ADH7: variants seen among roughly 807,000 people sequenced by gnomAD.
The protein encoded by ADH7 is all-trans-retinol dehydrogenase [NAD(+)] ADH7.
A neutral mutation model predicts 34.4 loss-of-function variants in ADH7; 41 were observed. The observed-to-expected ratio is 1.19, with a 90% confidence interval of 0.93 to 1.55. The LOEUF (loss-of-function observed/expected upper bound fraction) is 1.55. Ranked by LOEUF, ADH7 falls within the 40% of genes most tolerant of loss-of-function variation. The probability of loss-of-function intolerance (pLI) is 0.00; values close to 1 mark genes in which losing one functional copy is unlikely to be tolerated. For missense variants in ADH7, 540 were observed against 461.2 expected (o/e 1.17, Z -1.56); for synonymous variants, 180 against 160.9 (o/e 1.12, Z -0.90).
intron 6 of ADH7, among the ~76,000 whole-genome samples, chr4:99,420,131 T>A (rs572306870): frequency 6.6e-6 from 1 of 152,306 alleles, no homozygotes; most frequent in African/African-American, 2.4e-5. Context: ...TTTGGGGGAA[T>A]AGACCACAAC....
chr4:99,428,470 G>T (rs779900148), intron 3 of ADH7, 22 bp downstream of exon 3: 4 of 1,602,410 alleles, frequency 2.5e-6, no homozygotes, highest in Admixed American at 3.5e-5. Context: ...TTTCAAACTT[G>T]TGGTTTGACA....
At chr4:99,432,646 C>T (rs1325540171) in intron 1 of ADH7, 1 of 152,128 alleles carries the variant, frequency 6.6e-6, no homozygotes, top group East Asian at 1.9e-4. Flanking sequence ...GTGTTAACAA[C>T]TTCACTCCTA....
intron 1 of ADH7, among the ~76,000 whole-genome samples, chr4:99,430,808 A>AT (rs200139906): frequency 9.3e-5 from 14 of 151,096 alleles, no homozygotes; most frequent in East Asian, 1.9e-4. Flanking sequence ...TTTTTTTATT[A>AT]TTTTTTTTTA....
chr4:99,420,621 G>C lies in ADH7; in HGVS notation c.737C>G (p.Ser246Cys). Residue 246 changes from serine (S) to cysteine (C), a missense_variant, in exon 6 of 9, where the codon TCT (serine) becomes TGT (cysteine). By Grantham distance (112) the Ser-to-Cys change is moderately radical. Transcript: ENST00000437033. ...GATECISPKDSTKPISEVLSE... is the reference protein window; with the variant it reads ...GATECISPKDCTKPISEVLSE... Reference sequence around the variant, plus strand: ...CAGCACCTCACTGATGGGTTTGGTAGAGTCCTTGGGACTGATACACTCAGT... The same window carrying C: ...CAGCACCTCACTGATGGGTTTGGTACAGTCCTTGGGACTGATACACTCAGT... 1.2e-6 allele frequency: 2 copies of C among 1,613,918 alleles called. No individual in the cohort carries two copies. The highest frequency in any genetic ancestry group is 1.7e-6 in the Non-Finnish European group (2 of 1,179,930).
Position 99,420,608 on chromosome 4 carries a change from G to T in ADH7, c.750C>A (p.Ile250=). The change falls in exon 6 of 9, where the codon ATC becomes ATA. Residue 250 remains isoleucine (I), a synonymous_variant. Transcript: ENST00000437033. ...CTGTCATTTCTGACAGCACCTCACT[G>T]ATGGGTTTGGTAGAGTCCTTGGGAC... ...CISPKDSTKP[I]SEVLSEMTGN... is the part of the protein sequence containing the mutation. 3.7e-6 allele frequency: 6 copies of T among 1,613,806 alleles called. 1 individual carries two copies. In the Middle Eastern group the frequency reaches 4.9e-4, roughly 133 times the overall value.
intron 1 of ADH7, among the ~76,000 whole-genome samples, chr4:99,432,401 A>G (rs562642840): frequency 2.0e-5 from 3 of 152,240 alleles, no homozygotes; most frequent in Non-Finnish European, 4.4e-5. Context: ...TAATTTGTAC[A>G]CCAAACCCCA....
At chr4:99,425,379 T>C (rs577516663) in intron 5 of ADH7, among the ~76,000 whole-genome samples, 2,937 of 151,254 alleles carry the variant, frequency 0.019, 31 homozygotes, top group Admixed American at 0.033. Context: ...ACCAAGCAAA[T>C]GGAAAACAAA....
Position 99,429,570 on chromosome 4 carries a change from C to G in ADH7, c.82G>C (p.Glu28Gln). The G allele has an allele frequency of 6.2e-7, 1 of 1,612,498 alleles. No individual in the cohort carries two copies. Among genetic ancestry groups the G allele is most frequent in the Non-Finnish European group, 8.5e-7 (1 of 1,179,266 alleles). ...TCTTTAGTCTTTGGTGGGGCAACTT[C>G]TATTTCCTCAATGGAGAAGGGTTGC... Reference protein sequence around the residue: ...QKQPFSIEEIEVAPPKTKEVR... With the variant: ...QKQPFSIEEIQVAPPKTKEVR... The change falls in exon 2 of 9, where the codon GAA (glutamate) becomes CAA (glutamine). Residue 28 changes from glutamate to glutamine, a missense_variant. By Grantham distance (29) the Glu-to-Gln change is conservative (BLOSUM62 2). Coordinates refer to ENST00000437033, the MANE Select transcript of ADH7 (RefSeq NM_000673.7).
intron 1 of ADH7, 181 bp downstream of exon 1, chr4:99,435,035 C>T (rs909272086): frequency 6.5e-7 from 1 of 1,541,982 alleles, no homozygotes; most frequent in African/African-American, 1.4e-5. Context: ...ACCCCTGCTT[C>T]CACTGACATT....
rs1322294180 is a variant in ADH7 at position 99,428,178 on chromosome 4, C to T, written c.260-4G>A. 6.2e-7 allele frequency: 1 copy of T among 1,611,548 alleles called. No individual in the cohort carries two copies. Among genetic ancestry groups the T allele is most frequent in the Admixed American group, 1.7e-5 (1 of 59,794 alleles). ...AAGAGAGGGATGACTTTGTCACCTA[C>T]AGGAAAAAAATCATGATATAAGATG... On this transcript the variant is annotated splice_region_variant and splice_polypyrimidine_tract_variant and intron_variant, in intron 3 of 8. Coordinates refer to ENST00000437033, the MANE Select transcript of ADH7 (RefSeq NM_000673.7).
intron 7 of ADH7, among the ~76,000 whole-genome samples, chr4:99,417,892 G>A (rs2584464): frequency 0.45 from 67,817 of 151,980 alleles, 15,701 homozygotes; most frequent in Admixed American, 0.51. Flanking sequence ...CATTTTCCCT[G>A]AAAAGCCTTC....
intron 1 of ADH7, chr4:99,430,206 T>C (rs1256763517): frequency 1.3e-5 from 2 of 152,240 alleles, no homozygotes; most frequent in Admixed American, 1.3e-4. Context: ...TCCTGGATGA[T>C]TGAATTTGTG....
chr4:99,428,340 A>T, intron 3 of ADH7, 152 bp downstream of exon 3: 1 of 1,231,268 alleles, frequency 8.1e-7, no homozygotes, highest in South Asian at 1.5e-5. Flanking sequence ...TTGCCAAATT[A>T]AACATTACTC....
chr4:99,423,294 T>TCCA (rs1288516033), intron 5 of ADH7, among the ~76,000 whole-genome samples: 1 of 150,218 alleles, frequency 6.7e-6, no homozygotes, highest in Non-Finnish European at 1.5e-5. Flanking sequence ...ACATTTGGAT[T>TCCA]GGTTCCAAGT....
At position 99,430,663 on chromosome 4, in the gene ADH7, C is replaced by A. The variant is rs113463518; in HGVS notation, c.19-1030G>T. ...GGGCGGCTGAAAGCCATCAGTAGCT[C>A]AATTTAATATTTACCCTCTGCCTTA... is the stretch of plus-strand genomic sequence containing the variant. On this transcript the variant is annotated intron_variant, in intron 1 of 8. Coordinates refer to ENST00000437033, the MANE Select transcript of ADH7 (RefSeq NM_000673.7). Among the ~76,000 whole-genome samples, 209 of 152,238 alleles carry A rather than the reference C, an allele frequency of 1.4e-3. 3 individuals are homozygous for A. Among genetic ancestry groups the A allele is most frequent in the African/African-American group, 4.7e-3 (195 of 41,540 alleles).
chr4:99,434,759 T>A (rs1722009275), intron 1 of ADH7, among the ~76,000 whole-genome samples: 1 of 152,176 alleles, frequency 6.6e-6, no homozygotes, highest in African/African-American at 2.4e-5. Flanking sequence ...TTGGCCATTT[T>A]GCATCCCAGA....
At chr4:99,421,145 A>G (rs1278251614) in intron 5 of ADH7, among the ~76,000 whole-genome samples, 1 of 152,202 alleles carries the variant, frequency 6.6e-6, no homozygotes, top group Non-Finnish European at 1.5e-5. Flanking sequence ...ATTAGAAAAA[A>G]ACTACTTTAA....
At chr4:99,427,729 A>G in intron 5 of ADH7, 44 bp downstream of exon 5, 1 of 1,320,518 alleles carries the variant, frequency 7.6e-7, no homozygotes, top group South Asian at 2.4e-5. Flanking sequence ...ATCATTTAAG[A>G]AAAGGAAAGA....
intron 1 of ADH7, among the ~76,000 whole-genome samples, chr4:99,433,235 A>G (rs1721977476): frequency 6.6e-6 from 1 of 152,222 alleles, no homozygotes; most frequent in Admixed American, 6.5e-5. Context: ...ATACATAAAC[A>G]ATAATAGAGG....
Sources: allele counts gnomAD v4.1 joint callset (sites outside exome capture counted in the v4.1 genomes callset), GRCh38; gene constraint gnomAD v4.1.1; transcripts MANE v1.5; gene names NCBI Gene and HGNC (gene_info 2026-07-23, HGNC 2026-07-21).